The following CDH11 variants were observed in gnomAD, a reference collection of about 807,000 sequenced individuals.
CDH11 encodes the protein cadherin-11.
CDH11 carries 11 observed loss-of-function variants against 67.8 expected under a neutral mutation model. The observed-to-expected ratio is 0.16, with a 90% CI of 0.10 to 0.27. The LOEUF (loss-of-function observed/expected upper bound fraction) is 0.27, where lower values mean the gene tolerates loss of function less well. Among genes scored for constraint, CDH11 ranks in the 10% least tolerant of loss-of-function variants. The pLI, the probability that CDH11 is intolerant of heterozygous loss-of-function variation, is 1.00. For synonymous variants in CDH11, 419 were observed against 400.0 expected (o/e 1.05, Z -0.57); for missense variants, 847 against 1,031.2 (o/e 0.82, Z 2.45).
chr16:64,954,167 G>A (rs570109135), intron 11 of CDH11, among the ~76,000 whole-genome samples: 1 of 152,156 alleles, frequency 6.6e-6, no homozygotes. Context: ...AGTCCTCTCC[G>A]ACACACAGAA....
rs1228457900 is a variant in CDH11, at chr16:65,096,302, G to C, written c.-298+25578C>G. Among the ~76,000 whole-genome samples the C allele has an allele frequency of 2.0e-5, 3 of 151,830 alleles. No homozygotes were observed. The East Asian group carries it at 5.8e-4, about 29-fold the overall frequency. On this transcript the variant is annotated intron_variant, in intron 1 of 12. Transcript: ENST00000268603. The stretch of plus-strand genomic sequence containing the variant: ...CCAGAACTGTAAACAATAAATTTCT[G>C]TTCTTTATAAATGATCCAGCCTAAG...
chr16:64,947,940 T>C lies in CDH11; in HGVS notation c.2054A>G (p.Asp685Gly). Residue 685 changes from aspartate (D) to glycine (G), a missense_variant, in exon 13 of 13, where the codon GAT (aspartate) becomes GGT (glycine). By Grantham distance (94) the Asp-to-Gly change is moderately conservative (BLOSUM62 -1). This residue lies in a region of CDH11 where 612 missense variants were observed against 678.7 expected (regional missense o/e 0.90). Coordinates refer to ENST00000268603, the MANE Select transcript of CDH11 (RefSeq NM_001797.4). ...AFDIATLQNP[D>G]GINGFIPRKD... ...GCGGGGGATAAATCCATTGATACCA[T>C]CAGGATTCTGGAGGGTGGCAATATC... is the stretch of plus-strand genomic sequence containing the variant. 1.9e-6 allele frequency: 3 copies of C among 1,614,148 alleles called. No individual in the cohort carries two copies. Among genetic ancestry groups the C allele is most frequent in the Non-Finnish European group, 2.5e-6 (3 of 1,180,008 alleles).
chr16:64,962,633 G>T (rs1266087190), intron 11 of CDH11, among the ~76,000 whole-genome samples: 1 of 152,160 alleles, frequency 6.6e-6, no homozygotes, highest in African/African-American at 2.4e-5. Flanking sequence ...ACTCTACCTG[G>T]TTCTCACAGT....
chr16:64,983,238 A>C (rs954014311), intron 7 of CDH11: 1 of 150,356 alleles, frequency 6.7e-6, no homozygotes, highest in African/African-American at 2.4e-5. Context: ...AAAGAAAAAA[A>C]ATGAGTAGTA....
At chr16:64,953,549 T>C (rs1163876308) in intron 11 of CDH11, among the ~76,000 whole-genome samples, 1 of 152,056 alleles carries the variant, frequency 6.6e-6, no homozygotes, top group Non-Finnish European at 1.5e-5. Flanking sequence ...TTGCATATAC[T>C]ATGAAATAGG....
chr16:64,968,665 C>T, intron 11 of CDH11: 1 of 523,442 alleles, frequency 1.9e-6, no homozygotes, highest in Non-Finnish European at 2.5e-6. Flanking sequence ...AATGCTTATG[C>T]CGGAGTTTAG....
chr16:65,027,784 G>T (rs531831761), intron 2 of CDH11, among the ~76,000 whole-genome samples: 1 of 152,260 alleles, frequency 6.6e-6, no homozygotes, highest in East Asian at 1.9e-4. Context: ...CAACCCCAAG[G>T]TCTAAGTTTT....
intron 10 of CDH11, 108 bp from the exon 11 acceptor site, chr16:64,971,804 T>C: frequency 7.1e-7 from 1 of 1,404,508 alleles, no homozygotes; most frequent in Non-Finnish European, 1.0e-6. Context: ...AGAACATAAC[T>C]TCAGAACAAA....
intron 6 of CDH11, 200 bp downstream of exon 6, chr16:64,991,568 C>T: frequency 2.0e-6 from 1 of 498,598 alleles, no homozygotes; most frequent in Non-Finnish European, 3.6e-6. Flanking sequence ...TCTTTTCATT[C>T]TCCTACTACC....
intron 2 of CDH11, among the ~76,000 whole-genome samples, chr16:65,033,523 G>A (rs1029714204): frequency 6.6e-6 from 1 of 151,912 alleles, no homozygotes; most frequent in Non-Finnish European, 1.5e-5. Context: ...GGTGGATCAC[G>A]AGGTCAGGAG....
At chr16:64,960,413 GGCC>G in intron 11 of CDH11, among the ~76,000 whole-genome samples, 3 of 152,200 alleles carry the variant, frequency 2.0e-5, no homozygotes, top group Non-Finnish European at 2.9e-5. Context: ...TTGGGATACT[GGCC>G]TCACAGAGCT....
In CDH11 at chr16:64,968,071, C is replaced by T. The variant is rs78364288; in HGVS notation, c.1642+3508G>A. ...TGAAATGAATTAACTAGAAGAGACA[C>T]GAGCTTTATATTCATTTTACAGTGT... is the stretch of plus-strand genomic sequence containing the variant. On this transcript the variant is annotated intron_variant, in intron 11 of 12. Coordinates refer to ENST00000268603, the MANE Select transcript of CDH11 (RefSeq NM_001797.4). Among the ~76,000 whole-genome samples the T allele has an allele frequency of 5.3e-3, 808 of 152,218 alleles. 6 individuals are homozygous for T. Among genetic ancestry groups the T allele is most frequent in the African/African-American group, 0.017 (722 of 41,554 alleles).
At chr16:64,999,844 G>A (rs1228391060) in intron 3 of CDH11, among the ~76,000 whole-genome samples, 1 of 152,012 alleles carries the variant, frequency 6.6e-6, no homozygotes, top group African/African-American at 2.4e-5. Flanking sequence ...CAATGTTTTT[G>A]TTTGTTTGTT....
chr16:64,959,946 CA>C (rs1438982082), intron 11 of CDH11, among the ~76,000 whole-genome samples: 1 of 152,178 alleles, frequency 6.6e-6, no homozygotes, highest in Non-Finnish European at 1.5e-5. Flanking sequence ...GCTTTCCACG[CA>C]AACATTTTGT....
intron 2 of CDH11, among the ~76,000 whole-genome samples, chr16:65,049,265 T>A (rs2074015759): frequency 6.6e-6 from 1 of 152,152 alleles, no homozygotes; most frequent in Non-Finnish European, 1.5e-5. Flanking sequence ...ATAATTGCCC[T>A]CCAACTCCCT....
chr16:64,948,541 G>A, intron 12 of CDH11: 1 of 1,307,924 alleles, frequency 7.6e-7, no homozygotes, highest in East Asian at 2.3e-5. Flanking sequence ...TATAGGGGGT[G>A]ATGGCTAGCT....
At chr16:64,962,883 G>A (rs1567492337) in intron 11 of CDH11, among the ~76,000 whole-genome samples, 1 of 152,090 alleles carries the variant, frequency 6.6e-6, no homozygotes, top group Non-Finnish European at 1.5e-5. Flanking sequence ...CAACTAAGGA[G>A]CACTTGTGAA....
intron 6 of CDH11, among the ~76,000 whole-genome samples, chr16:64,989,120 ACT>A (rs2072565426): frequency 6.6e-6 from 1 of 152,106 alleles, no homozygotes; most frequent in Non-Finnish European, 1.5e-5. Context: ...ATGTAAACAC[ACT>A]CTGATGTCAC....
chr16:64,955,286 A>G (rs2071478101), intron 11 of CDH11, among the ~76,000 whole-genome samples: 1 of 152,018 alleles, frequency 6.6e-6, no homozygotes, highest in Admixed American at 6.6e-5. Flanking sequence ...AAAAGAAACA[A>G]AACAAATTAG....
Sources: gnomAD v4.1 joint callset for allele counts (sites outside exome capture counted in the v4.1 genomes callset) on GRCh38, gnomAD v4.1.1 for gene constraint, gnomAD v4.1.1 regional missense constraint, MANE v1.5 for transcripts, NCBI Gene and HGNC (gene_info 2026-07-23, HGNC 2026-07-21) for gene names.